The following CYFIP1 variants were observed in gnomAD, a reference collection of about 807,000 sequenced individuals.
CYFIP1 encodes the protein cytoplasmic FMR1 interacting protein 1, also known as cytoplasmic FMR1-interacting protein 1.
CYFIP1 carries 58 observed loss-of-function variants against 163.5 expected under a neutral mutation model. That is an observed-to-expected ratio of 0.35 (90% confidence interval 0.29 to 0.44). CYFIP1 has a LOEUF of 0.44. Ranked by LOEUF, CYFIP1 falls within the 20% of genes least tolerant of loss-of-function variation. The pLI is 1.00. For missense variants in CYFIP1, 1,338 were observed against 1,653.8 expected (o/e 0.81, Z 3.31); for synonymous variants, 663 against 660.7 (o/e 1.00, Z -0.05).
intron 23 of CYFIP1, among the ~76,000 whole-genome samples, chr15:22,889,671 C>T (rs1300166846): frequency 6.6e-6 from 1 of 152,166 alleles, no homozygotes; most frequent in Non-Finnish European, 1.5e-5. Context: ...CCATCCTCTC[C>T]AGATGGGGGT....
chr15:22,954,163 C>T (rs1333702107), intron 1 of CYFIP1, among the ~76,000 whole-genome samples: 1 of 152,130 alleles, frequency 6.6e-6, no homozygotes, highest in Non-Finnish European at 1.5e-5. Flanking sequence ...CTGATCAGAG[C>T]AGGGCAATGC....
At chr15:22,944,238 CAAAAAAAAAAA>C in intron 5 of CYFIP1, among the ~76,000 whole-genome samples, 1 of 94,970 alleles carries the variant, frequency 1.1e-5, no homozygotes, top group South Asian at 4.1e-4. Flanking sequence ...GACTCTGTCT[CAAAAAAAAAAA>C]AAAAAAAAAA....
intron 17 of CYFIP1, among the ~76,000 whole-genome samples, chr15:22,913,585 CG>C (rs1400044981): frequency 9.8e-6 from 1 of 101,582 alleles, no homozygotes. Context: ...ATTACACCAA[CG>C]GAAGTACATA....
At position 22,869,969 on chromosome 15, in the gene CYFIP1, TA is replaced by T; in HGVS notation, c.*58del. On this transcript the variant is annotated 3_prime_UTR_variant, in exon 31 of 31. Transcript: ENST00000617928. ...GAAAAATAGTCCCTAAAAATCTCAC[TA>T]AATAGTTTACGGAGAGAAAGGCATG... 6.8e-7 allele frequency: 1 copy of T among 1,473,234 alleles called. No individual in the cohort carries two copies. Among genetic ancestry groups the T allele is most frequent in the Non-Finnish European group, 9.0e-7 (1 of 1,111,144 alleles). 91.3% of individuals were successfully genotyped at this position (1,473,234 alleles called of 1,614,324 possible). A position where few individuals can be genotyped will look rare whatever the true frequency, so the allele number is the denominator to read the frequency against.
At chr15:22,939,558 A>C (rs773787505) in intron 6 of CYFIP1, 51 bp from the exon 7 acceptor site, 4 of 255,238 alleles carry the variant, frequency 1.6e-5, no homozygotes, top group Admixed American at 6.8e-5. Context: ...TGCCACATTT[A>C]AAAAAAAAAA....
At position 22,895,016 on chromosome 15, in the gene CYFIP1, A is replaced by AT. The variant is rs748636744; in HGVS notation, c.2589-2040dup. Among the ~76,000 whole-genome samples the AT allele has an allele frequency of 2.2e-3, 307 of 137,658 alleles. 2 individuals are homozygous for AT. Among genetic ancestry groups the AT allele is most frequent in the African/African-American group, 5.1e-3 (190 of 37,554 alleles). The allele number at this position is 137,658 out of a possible 152,430, so 90.3% of individuals were successfully genotyped here. On this transcript the variant is annotated intron_variant, in intron 22 of 30. Coordinates refer to ENST00000617928, the MANE Select transcript of CYFIP1 (RefSeq NM_014608.6). ...GACTACAGGTCACCATGCCTGGCTA[A>AT]TTTTTTTTTTTTTTTTTAGACAGAG...
chr15:22,886,672 T>G (rs375503309), intron 23 of CYFIP1, among the ~76,000 whole-genome samples: 2 of 152,292 alleles, frequency 1.3e-5, no homozygotes, highest in African/African-American at 4.8e-5. Flanking sequence ...GTTCTTTAAA[T>G]TTTGTTGAGG....
At chr15:22,933,332 TG>T (rs2061599517) in intron 10 of CYFIP1, among the ~76,000 whole-genome samples, 2 of 151,804 alleles carry the variant, frequency 1.3e-5, no homozygotes, top group Non-Finnish European at 2.9e-5. Context: ...TTTTTTTTTT[TG>T]AGACGGAGTC....
intron 1 of CYFIP1, among the ~76,000 whole-genome samples, chr15:22,949,487 C>T (rs1174342256): frequency 6.6e-6 from 1 of 152,116 alleles, no homozygotes; most frequent in Non-Finnish European, 1.5e-5. Context: ...CTACGAACCA[C>T]AAAGCAGAGG....
At chr15:22,959,502 C>A (rs2044372) in intron 1 of CYFIP1, among the ~76,000 whole-genome samples, 49,041 of 152,196 alleles carry the variant, frequency 0.32, 9,872 homozygotes, top group Admixed American at 0.51. Context: ...TCACGTGCCT[C>A]AGTGGCGTGG....
Position 22,917,318 on chromosome 15 carries a change from G to GA in CYFIP1, c.1674+469dup, listed in dbSNP as rs141234931. ...CAGCGGTGTGGATTAAACCGGGTGT[G>GA]AAAGTCGTGAGAAGCACCTCGGGGA... On this transcript the variant is annotated intron_variant, in intron 15 of 30. Transcript: ENST00000617928. The surrounding 1 kb of genome is among the most constrained non-coding windows in gnomAD (Gnocchi z 4.2). 3.6e-3 allele frequency: 4,782 copies of GA among 1,314,724 alleles called. 144 individuals are homozygous for GA. The African/African-American group carries it at 0.06, about 17-fold the overall frequency. 81.4% of individuals were successfully genotyped at this position (1,314,724 alleles called of 1,614,324 possible).
intron 22 of CYFIP1, among the ~76,000 whole-genome samples, chr15:22,902,075 C>T (rs966915891): frequency 6.6e-6 from 1 of 152,206 alleles, no homozygotes; most frequent in African/African-American, 2.4e-5. Context: ...TGGCCCGAGG[C>T]AGCAGCTCTG....
intron 22 of CYFIP1, among the ~76,000 whole-genome samples, chr15:22,901,535 G>A (rs540051267): frequency 4.6e-5 from 7 of 152,306 alleles, no homozygotes; most frequent in African/African-American, 1.4e-4. Flanking sequence ...TGGAAAAGAG[G>A]CCTAACTCTG....
chr15:22,879,963 G>A lies in CYFIP1; in HGVS notation c.2992C>T (p.Arg998Trp), dbSNP rs1377772970. The change falls in exon 26 of 31, where the codon CGG becomes TGG. Residue 998 changes from arginine to tryptophan, a missense_variant. Physicochemically the swap from Arg to Trp is moderately radical, Grantham distance 101. Transcript: ENST00000617928. The part of the protein sequence containing the change: ...ELKTVCFQNL[R>W]EVGNAILFCL... ...AAGAGGATGGCGTTCCCCACCTCCC[G>A]CAGGTTCTGGAAGCACACCGTCTTC... The A allele has an allele frequency of 6.2e-7, 1 of 1,613,696 alleles. No homozygotes were observed. The highest frequency in any genetic ancestry group is 2.2e-5 in the East Asian group (1 of 44,878).
Position 22,903,899 on chromosome 15 carries a change from C to T in CYFIP1, c.2395G>A (p.Asp799Asn). Residue 799 changes from aspartate to asparagine, a missense_variant, in exon 22 of 31, where the codon GAT becomes AAT. Asp to Asn is a conservative substitution (Grantham distance 23). Around this residue, in one of 4 missense-constraint regions of CYFIP1, gnomAD observed 824 missense variants for 995.7 expected, o/e 0.83. Coordinates refer to ENST00000617928, the MANE Select transcript of CYFIP1 (RefSeq NM_014608.6). ...ATGCGGTTGATTTCCAACAGGCCAT[C>T]CAGCTCCTGTGGCACCAAAGACAGG... ...SEDLTSIVEL[D>N]GLLEINRMTH... 1.2e-6 allele frequency: 2 copies of T among 1,613,942 alleles called. No homozygotes were observed. The highest frequency in any genetic ancestry group is 1.7e-6 in the Non-Finnish European group (2 of 1,179,962).
At chr15:22,904,793 G>A (rs1393533963) in intron 21 of CYFIP1, 2 of 152,150 alleles carry the variant, frequency 1.3e-5, no homozygotes, top group Non-Finnish European at 2.9e-5. Flanking sequence ...GGCCGCCACA[G>A]GTCTGTCTCT....
intron 1 of CYFIP1, among the ~76,000 whole-genome samples, chr15:22,965,749 C>T (rs11853131): frequency 0.45 from 68,848 of 151,920 alleles, 15,951 homozygotes; most frequent in Non-Finnish European, 0.5. Flanking sequence ...TCCCTAGTAG[C>T]GGACACACCA....
In CYFIP1 at chr15:22,951,498, T is replaced by C. The variant is rs1353277228; in HGVS notation, c.-6-4207A>G. The C allele has an allele frequency of 4.7e-6, 6 of 1,288,614 alleles. No homozygotes were observed. In the African/African-American group the frequency reaches 6.1e-5, roughly 13 times the overall value. The allele number at this position is 1,288,614 out of a possible 1,614,324, so 79.8% of individuals were successfully genotyped here. On this transcript the variant is annotated intron_variant, in intron 1 of 30. Transcript: ENST00000617928. ...TGCCGCTCGGAGGGGCCAGGCTGCC[T>C]GAGGACGTGCTTCGGCCCCATAGGG...
intron 6 of CYFIP1, 131 bp downstream of exon 6, chr15:22,943,042 A>G: frequency 1.3e-6 from 1 of 797,686 alleles, no homozygotes; most frequent in Non-Finnish European, 2.0e-6. Flanking sequence ...CAGCCCTGAC[A>G]CTGAGACGTA....
Sources: allele counts gnomAD v4.1 joint callset (sites outside exome capture counted in the v4.1 genomes callset), GRCh38; gene constraint gnomAD v4.1.1; regional missense constraint gnomAD v4.1.1; non-coding constraint Gnocchi (gnomAD v3.1); transcripts MANE v1.5; gene names NCBI Gene and HGNC (gene_info 2026-07-23, HGNC 2026-07-21).